Variants in CDH12 observed in about 807,000 individuals in gnomAD.
The protein encoded by CDH12 is cadherin 12, also known as cadherin-12.
Under a neutral mutation model 74.1 loss-of-function variants are expected in CDH12, and 41 were observed. The ratio of observed to expected loss-of-function variants is 0.55; its 90% CI spans 0.43 to 0.72. The LOEUF is 0.72. CDH12 is among the 30% of genes least tolerant of loss of function. The pLI is 0.00. For synonymous variants in CDH12, 399 were observed against 355.0 expected, an observed-to-expected ratio of 1.12 and a Z score of -1.39; for missense variants, 945 against 977.2, an observed-to-expected ratio of 0.97 and a Z score of 0.44.
intron 1 of CDH12, among the ~76,000 whole-genome samples, chr5:22,533,645 A>G (rs546566784): frequency 1.4e-4 from 21 of 152,294 alleles, no homozygotes; most frequent in Admixed American, 2.0e-4. Flanking sequence ...CACCCTCTCA[A>G]TATTGAGATG....
In CDH12 at chr5:22,337,762, T is replaced by G. The variant is rs552716001; in HGVS notation, c.-333+67495A>C. 2.6e-5 allele frequency among the ~76,000 whole-genome samples: 4 copies of G among 152,324 alleles called. No individual in the cohort carries two copies. In the East Asian group the frequency reaches 7.7e-4, roughly 29 times the overall value. ...TGGACTAATACAATGGACAAAATAT[T>G]GGAATAGACATTTCTCAAAAGAACA... On this transcript the variant is annotated intron_variant, in intron 3 of 14. Coordinates refer to ENST00000382254, the MANE Select transcript of CDH12 (RefSeq NM_004061.5).
chr5:22,439,345 A>G (rs1389656918), intron 2 of CDH12, among the ~76,000 whole-genome samples: 1 of 152,042 alleles, frequency 6.6e-6, no homozygotes, highest in Middle Eastern at 3.2e-3. Flanking sequence ...CTTCAAGAAA[A>G]TATTTCTGAA....
At chr5:21,985,002 A>C (rs1757455517) in intron 5 of CDH12, among the ~76,000 whole-genome samples, 1 of 152,068 alleles carries the variant, frequency 6.6e-6, no homozygotes, top group African/African-American at 2.4e-5. Flanking sequence ...TTATCACTTA[A>C]TAATGGGTCA....
chr5:22,175,507 G>C (rs942820916), intron 4 of CDH12, among the ~76,000 whole-genome samples: 1 of 152,008 alleles, frequency 6.6e-6, no homozygotes, highest in Non-Finnish European at 1.5e-5. Context: ...GTATTTCTTT[G>C]CCTATTTCCC....
chr5:21,793,956 T>C (rs1746639444), intron 10 of CDH12, among the ~76,000 whole-genome samples: 2 of 150,496 alleles, frequency 1.3e-5, no homozygotes. Flanking sequence ...GTTGGGACTA[T>C]ACTGAATAAG....
chr5:22,756,514 A>G (rs1013033062), intron 1 of CDH12, among the ~76,000 whole-genome samples: 2 of 152,146 alleles, frequency 1.3e-5, no homozygotes, highest in African/African-American at 4.8e-5. Flanking sequence ...GAATATTTCA[A>G]AAGACTTATT....
intron 5 of CDH12, among the ~76,000 whole-genome samples, chr5:22,035,705 T>TACACACAC (rs1739128679): frequency 8.4e-6 from 1 of 119,284 alleles, no homozygotes; most frequent in African/African-American, 3.9e-5. Flanking sequence ...TTTTTTACAC[T>TACACACAC]TCACACATAC....
chr5:22,840,782 G>A (rs1737047883), intron 1 of CDH12, among the ~76,000 whole-genome samples: 1 of 152,088 alleles, frequency 6.6e-6, no homozygotes, highest in African/African-American at 2.4e-5. Context: ...TATACAATTT[G>A]CATATTAAAT....
chr5:22,296,881 G>C lies in CDH12; in HGVS notation c.-332-84238C>G, dbSNP rs1483108332. On this transcript the variant is annotated intron_variant, in intron 3 of 14. Transcript: ENST00000382254. ...CACTCCTATGTATAGCACCATTAAA[G>C]CATGAACACAGAAGGGAAAAATATC... Among the ~76,000 whole-genome samples the C allele has an allele frequency of 3.3e-5, 5 of 152,202 alleles. No individual in the cohort carries two copies. In the South Asian group the frequency reaches 6.2e-4, roughly 19 times the overall value.
intron 6 of CDH12, among the ~76,000 whole-genome samples, chr5:21,962,224 T>C (rs1246681298): frequency 2.0e-5 from 3 of 152,104 alleles, no homozygotes; most frequent in South Asian, 2.1e-4. Context: ...CATTTGTGTA[T>C]AGGTTTGATG....
At chr5:22,128,596 T>C (rs1398694175) in intron 4 of CDH12, among the ~76,000 whole-genome samples, 1 of 152,176 alleles carries the variant, frequency 6.6e-6, no homozygotes, top group Non-Finnish European at 1.5e-5. Context: ...TAAGTACAAA[T>C]TTAAAATTTT....
intron 1 of CDH12, among the ~76,000 whole-genome samples, chr5:22,743,600 A>G (rs1420000656): frequency 6.6e-6 from 1 of 152,168 alleles, no homozygotes; most frequent in Non-Finnish European, 1.5e-5. Context: ...AAAGGTCATT[A>G]TACATGAAAT....
intron 3 of CDH12, among the ~76,000 whole-genome samples, chr5:22,266,016 C>A (rs1487510981): frequency 6.6e-6 from 1 of 151,014 alleles, no homozygotes; most frequent in Non-Finnish European, 1.5e-5. Context: ...TGTGTGATGC[C>A]TAACTGCCAA....
At chr5:22,083,419 G>T (rs1742868136) in intron 4 of CDH12, among the ~76,000 whole-genome samples, 1 of 152,124 alleles carries the variant, frequency 6.6e-6, no homozygotes, top group Non-Finnish European at 1.5e-5. Context: ...GGCGTAAAGA[G>T]AAGCTAGGGA....
chr5:22,622,780 C>A (rs576767995), intron 1 of CDH12, among the ~76,000 whole-genome samples: 3 of 152,096 alleles, frequency 2.0e-5, no homozygotes, highest in Non-Finnish European at 4.4e-5. Flanking sequence ...GAAACTATTC[C>A]GATCAATAGA....
chr5:22,655,008 C>A (rs1482348169), intron 1 of CDH12, among the ~76,000 whole-genome samples: 3 of 152,126 alleles, frequency 2.0e-5, no homozygotes, highest in African/African-American at 7.2e-5. Flanking sequence ...AGGCAACCGT[C>A]CTTAAAAGCT....
At chr5:22,141,146 T>G (rs1315187950) in intron 4 of CDH12, 1 of 152,212 alleles carries the variant, frequency 6.6e-6, no homozygotes, top group Non-Finnish European at 1.5e-5. Flanking sequence ...CATTTATTCA[T>G]TAATTGGACA....
chr5:22,469,053 A>G (rs1369726670), intron 2 of CDH12, among the ~76,000 whole-genome samples: 3 of 152,152 alleles, frequency 2.0e-5, no homozygotes, highest in South Asian at 4.1e-4. Context: ...TTGGGCCCCA[A>G]TTCAGATCAC....
chr5:22,157,863 A>T (rs1451414828), intron 4 of CDH12, among the ~76,000 whole-genome samples: 1 of 152,082 alleles, frequency 6.6e-6, no homozygotes, highest in African/African-American at 2.4e-5. Flanking sequence ...TTGCAAATTC[A>T]TCTAAATAAA....
Sources: gnomAD v4.1 joint callset for allele counts (sites outside exome capture counted in the v4.1 genomes callset) on GRCh38, gnomAD v4.1.1 for gene constraint, MANE v1.5 for transcripts, NCBI Gene and HGNC (gene_info 2026-07-23, HGNC 2026-07-21) for gene names.